The following HTR7 variants were observed in gnomAD, a reference collection of about 807,000 sequenced individuals.
HTR7 encodes the protein 5-hydroxytryptamine receptor 7, also known as 5-HT-7.
A neutral mutation model predicts 34.0 loss-of-function variants in HTR7; 16 were observed. The ratio of observed to expected loss-of-function variants is 0.47; its 90% CI spans 0.32 to 0.71. The LOEUF (loss-of-function observed/expected upper bound fraction) is 0.71. Ranked by LOEUF, HTR7 falls within the 30% of genes least tolerant of loss-of-function variation. The pLI, the probability that HTR7 is intolerant of heterozygous loss-of-function variation, is 0.04. For synonymous variants in HTR7, 265 were observed against 260.2 expected, an observed-to-expected ratio of 1.02 and a Z score of -0.18; for missense variants, 504 against 625.5, an observed-to-expected ratio of 0.81 and a Z score of 2.07.
chr10:90,751,257 G>A (rs143741065), intron 1 of HTR7, among the ~76,000 whole-genome samples: 6 of 152,224 alleles, frequency 3.9e-5, no homozygotes, highest in Non-Finnish European at 7.4e-5. Context: ...AGAAAAAGGC[G>A]GGCAGTGCGG....
chr10:90,760,540 A>T (rs993812080), intron 1 of HTR7, among the ~76,000 whole-genome samples: 2 of 152,172 alleles, frequency 1.3e-5, no homozygotes, highest in African/African-American at 4.8e-5. Context: ...GAGATTATGG[A>T]TATGTTAATT....
At chr10:90,850,384 T>C (rs1039193042) in intron 1 of HTR7, among the ~76,000 whole-genome samples, 3 of 152,240 alleles carry the variant, frequency 2.0e-5, no homozygotes, top group South Asian at 2.1e-4. Flanking sequence ...CAGTCCCTAA[T>C]TGGATTAAAA....
intron 1 of HTR7, among the ~76,000 whole-genome samples, chr10:90,854,300 G>A (rs1846546780): frequency 6.6e-6 from 1 of 152,172 alleles, no homozygotes; most frequent in South Asian, 2.1e-4. Flanking sequence ...GGTGCAGTGA[G>A]CAGAGATGGC....
At chr10:90,814,107 G>A (rs1387993882) in intron 1 of HTR7, among the ~76,000 whole-genome samples, 3 of 152,188 alleles carry the variant, frequency 2.0e-5, no homozygotes, top group South Asian at 2.1e-4. Flanking sequence ...CTTGGCATGA[G>A]ATGACAAACC....
At chr10:90,777,462 CAGAG>C (rs1226207817) in intron 1 of HTR7, among the ~76,000 whole-genome samples, 2 of 131,344 alleles carry the variant, frequency 1.5e-5, no homozygotes, top group East Asian at 2.2e-4. Context: ...GCCTGGGTGA[CAGAG>C]AGAGACTCCG....
intron 1 of HTR7, among the ~76,000 whole-genome samples, chr10:90,796,136 T>C (rs1169612668): frequency 6.6e-6 from 1 of 152,210 alleles, no homozygotes; most frequent in Non-Finnish European, 1.5e-5. Context: ...CCCCTTCCTA[T>C]CATGGCCTGA....
chr10:90,840,773 A>G (rs1784397309), intron 1 of HTR7, among the ~76,000 whole-genome samples: 1 of 152,240 alleles, frequency 6.6e-6, no homozygotes, highest in African/African-American at 2.4e-5. Flanking sequence ...CCAATTAACT[A>G]TCACAAACCT....
intron 1 of HTR7, among the ~76,000 whole-genome samples, chr10:90,787,668 T>C (rs1019035479): frequency 6.6e-6 from 1 of 152,116 alleles, no homozygotes; most frequent in Admixed American, 6.5e-5. Flanking sequence ...ATTCATATTT[T>C]AGAGATGAGA....
chr10:90,775,117 T>G (rs912181354), intron 1 of HTR7, among the ~76,000 whole-genome samples: 3 of 152,218 alleles, frequency 2.0e-5, no homozygotes, highest in Non-Finnish European at 4.4e-5. Context: ...AATATTTTGA[T>G]GTATATCCTT....
At chr10:90,743,801 G>C (rs1294483805) in intron 2 of HTR7, 111 bp from the exon 3 acceptor site, 1 of 811,530 alleles carries the variant, frequency 1.2e-6, no homozygotes, top group Non-Finnish European at 2.1e-6. Context: ...TTACCAATCT[G>C]TGAATACTTG....
chr10:90,842,739 G>A (rs1240041606), intron 1 of HTR7, among the ~76,000 whole-genome samples: 1 of 150,604 alleles, frequency 6.6e-6, no homozygotes, highest in Non-Finnish European at 1.5e-5. Flanking sequence ...AGGACCCTGA[G>A]ATTTTCATTT....
chr10:90,813,096 A>T (rs1009410473), intron 1 of HTR7, among the ~76,000 whole-genome samples: 1 of 150,540 alleles, frequency 6.6e-6, no homozygotes, highest in African/African-American at 2.5e-5. Context: ...ACCCCCTTTG[A>T]CTGTCATTTT....
chr10:90,828,224 A>T (rs1234107108), intron 1 of HTR7, among the ~76,000 whole-genome samples: 1 of 152,222 alleles, frequency 6.6e-6, no homozygotes, highest in Non-Finnish European at 1.5e-5. Context: ...GTAATAAGAG[A>T]GAAGTTTATA....
chr10:90,791,885 A>G (rs755655886), intron 1 of HTR7, among the ~76,000 whole-genome samples: 1 of 152,154 alleles, frequency 6.6e-6, no homozygotes, highest in Admixed American at 6.5e-5. Flanking sequence ...TGTTTCTTAC[A>G]GTTCTTTGGG....
intron 1 of HTR7, among the ~76,000 whole-genome samples, chr10:90,814,511 G>A (rs991548425): frequency 2.6e-5 from 4 of 152,192 alleles, no homozygotes; most frequent in African/African-American, 7.2e-5. Flanking sequence ...AGAGCATGGG[G>A]AAAAGCAAAA....
At chr10:90,836,609 C>A (rs1846256627) in intron 1 of HTR7, among the ~76,000 whole-genome samples, 1 of 152,076 alleles carries the variant, frequency 6.6e-6, no homozygotes. Flanking sequence ...CTCTGGGGCC[C>A]AAGCAATCCT....
chr10:90,789,784 C>T (rs542441289), intron 1 of HTR7, among the ~76,000 whole-genome samples: 44 of 152,190 alleles, frequency 2.9e-4, no homozygotes, highest in East Asian at 2.7e-3. Flanking sequence ...AGGTCCAGAG[C>T]GCCAGATTTC....
At chr10:90,846,026 T>C (rs73315627) in intron 1 of HTR7, among the ~76,000 whole-genome samples, 1,696 of 152,274 alleles carry the variant, frequency 0.011, 33 homozygotes, top group African/African-American at 0.039. Context: ...TAAACATCTG[T>C]GGGAAGGATG....
At chr10:90,771,614 C>G (rs1845113057) in intron 1 of HTR7, among the ~76,000 whole-genome samples, 2 of 152,240 alleles carry the variant, frequency 1.3e-5, no homozygotes, top group African/African-American at 4.8e-5. Context: ...TCCCAGAGAG[C>G]TGACGCCCAT....
Sources: allele counts gnomAD v4.1 joint callset (sites outside exome capture counted in the v4.1 genomes callset), GRCh38; gene constraint gnomAD v4.1.1; transcripts MANE v1.5; gene names NCBI Gene and HGNC (gene_info 2026-07-23, HGNC 2026-07-21).